The following VMAC variants were observed in gnomAD, a reference collection of about 807,000 sequenced individuals.
VMAC encodes the protein vimentin type intermediate filament associated coiled-coil protein.
In VMAC, 8 loss-of-function variants were observed where a neutral mutation model predicts 4.8. The observed-to-expected ratio is 1.68, with a 90% CI of 0.99 to 3.03. VMAC has a LOEUF of 3.03. Ranked by LOEUF, VMAC falls within the 30% of genes most tolerant of loss-of-function variation. VMAC has a pLI of 0.00. For missense variants in VMAC, 248 were observed against 245.1 expected (o/e 1.01, Z -0.08); for synonymous variants, 96 against 113.7 (o/e 0.84, Z 0.99).
At position 5,908,624 on chromosome 19, in the gene VMAC, ATAATAAT is replaced by A. The variant is rs1367578085; in HGVS notation, c.192-199_192-193del. ...GAGCTAGACTTCGTCTCAAAAAAAA[ATAATAAT>A]AAAATAAAATATAATAATAATAATA... On this transcript the variant is annotated intron_variant, in intron 1 of 1. Transcript: ENST00000339485. This position sits in a 1 kb window ranked among gnomAD's most constrained non-coding sequence, Gnocchi z 4.5. Among the ~76,000 whole-genome samples the A allele has an allele frequency of 6.2e-5, 8 of 129,868 alleles. No homozygotes were observed. The highest frequency in any genetic ancestry group is 2.7e-4 in the South Asian group (1 of 3,714). 85.2% of individuals were successfully genotyped at this position (129,868 alleles called of 152,430 possible).
Position 5,905,039 on chromosome 19 carries a change from A to G in VMAC, c.149A>G (p.Gln50Arg), listed in dbSNP as rs888109145. 7.2e-7 allele frequency: 1 copy of G among 1,382,548 alleles called. No individual in the cohort carries two copies. The highest frequency in any genetic ancestry group is 9.3e-7 in the Non-Finnish European group (1 of 1,076,978). 85.6% of individuals were successfully genotyped at this position (1,382,548 alleles called of 1,614,324 possible). A position where few individuals can be genotyped will look rare whatever the true frequency, so the allele number is the denominator to read the frequency against. ...QAERLALHDQQLRAALDELGR... is the reference protein window; with the variant it reads ...QAERLALHDQRLRAALDELGR... ...GAGCGCCTGGCCCTCCACGACCAGC[A>G]GCTGCGCGCCGCCCTAGACGAACTG... The change falls in exon 1 of 2, where the codon CAG becomes CGG. Residue 50 changes from glutamine (Q) to arginine (R), a missense_variant. Physicochemically the swap from Gln to Arg is conservative, Grantham distance 43 (BLOSUM62 1). Transcript: ENST00000339485.
In VMAC at chr19:5,910,169, G is replaced by C. The variant is rs546968154; in HGVS notation, c.*1027G>C. The C allele has an allele frequency of 2.0e-5, 3 of 152,284 alleles. No homozygotes were observed. Among genetic ancestry groups the C allele is most frequent in the African/African-American group, 4.8e-5 (2 of 41,464 alleles). 9.4% of individuals were successfully genotyped at this position (152,284 alleles called of 1,614,324 possible). A position where few individuals can be genotyped will look rare whatever the true frequency, so the allele number is the denominator to read the frequency against. ...TTTTCTCCTCTGGATGAACAAGGAG[G>C]GGGGTTGTTTGTACAAAGGAAAGGC... On this transcript the variant is annotated 3_prime_UTR_variant, in exon 2 of 2. Transcript: ENST00000339485.
chr19:5,907,638 T>TAAAAAAAAAAAAAAAAAAAA (rs2057683620), intron 1 of VMAC, among the ~76,000 whole-genome samples: 1 of 31,144 alleles, frequency 3.2e-5, no homozygotes. Flanking sequence ...AAAAAAAAAT[T>TAAAAAAAAAAAAAAAAAAAA]AGCTGGGCAT....
chr19:5,905,043 G>T lies in VMAC; in HGVS notation c.153G>T (p.Leu51=). ...AERLALHDQQ[L]RAALDELGRA... is the part of the protein sequence containing the mutation. ...GCCTGGCCCTCCACGACCAGCAGCT[G>T]CGCGCCGCCCTAGACGAACTGGGTC... Residue 51 remains leucine, a synonymous_variant, in exon 1 of 2, where the codon CTG becomes CTT. Transcript: ENST00000339485. 7.2e-7 allele frequency: 1 copy of T among 1,380,384 alleles called. No individual in the cohort carries two copies. 85.5% of individuals were successfully genotyped at this position (1,380,384 alleles called of 1,614,324 possible). A position where few individuals can be genotyped will look rare whatever the true frequency, so the allele number is the denominator to read the frequency against.
In VMAC at chr19:5,904,978, C is replaced by T; in HGVS notation, c.88C>T (p.Leu30=). The T allele has an allele frequency of 6.8e-7, 1 of 1,467,676 alleles. No individual in the cohort carries two copies. Among genetic ancestry groups the T allele is most frequent in the Admixed American group, 2.6e-5 (1 of 39,034 alleles). The allele number at this position is 1,467,676 out of a possible 1,614,324, so 90.9% of individuals were successfully genotyped here. The part of the protein sequence containing the change: ...HRRAAELEAR[L]DAAERTVHAQ... ...GCGCGCAGCGGAGCTGGAGGCGCGG[C>T]TGGACGCGGCGGAGCGCACGGTGCA... is the stretch of plus-strand genomic sequence containing the variant. Residue 30 remains leucine, a synonymous_variant, in exon 1 of 2, where the codon CTG becomes TTG. Coordinates refer to ENST00000339485, the MANE Select transcript of VMAC (RefSeq NM_001017921.4).
intron 1 of VMAC, among the ~76,000 whole-genome samples, chr19:5,906,135 T>A (rs78410842): frequency 4.0e-5 from 6 of 149,806 alleles, no homozygotes; most frequent in Admixed American, 6.7e-5. Flanking sequence ...CTGGCTGATT[T>A]AAAAAAAAAA....
chr19:5,907,670 C>CAGCT (rs2057683793), intron 1 of VMAC, among the ~76,000 whole-genome samples: 1 of 146,532 alleles, frequency 6.8e-6, no homozygotes, highest in Admixed American at 7.1e-5. Context: ...CCTGCAGTCC[C>CAGCT]AGCTACTGGG....
Position 5,904,884 on chromosome 19 carries a change from C to T in VMAC, c.-7C>T. The T allele has an allele frequency of 1.4e-6, 2 of 1,471,646 alleles. No homozygotes were observed. The highest frequency in any genetic ancestry group is 8.9e-7 in the Non-Finnish European group (1 of 1,121,350). The allele number at this position is 1,471,646 out of a possible 1,614,324, so 91.2% of individuals were successfully genotyped here. Reference sequence around the variant, plus strand: ...GGCGTGGCCGGGCCTGTACAGCAGCCTGGGCCATGTCGGCGCCGCCGGCCC... The same window carrying T: ...GGCGTGGCCGGGCCTGTACAGCAGCTTGGGCCATGTCGGCGCCGCCGGCCC... On this transcript the variant is annotated 5_prime_UTR_variant, in exon 1 of 2. Coordinates refer to ENST00000339485, the MANE Select transcript of VMAC (RefSeq NM_001017921.4).
Position 5,904,885 on chromosome 19 carries a change from T to G in VMAC, c.-6T>G. The G allele has an allele frequency of 6.8e-7, 1 of 1,472,270 alleles. No homozygotes were observed. Among genetic ancestry groups the G allele is most frequent in the South Asian group, 1.3e-5 (1 of 76,574 alleles). The allele number at this position is 1,472,270 out of a possible 1,614,324, so 91.2% of individuals were successfully genotyped here. A position where few individuals can be genotyped will look rare whatever the true frequency, so the allele number is the denominator to read the frequency against. The stretch of plus-strand genomic sequence containing the variant: ...GCGTGGCCGGGCCTGTACAGCAGCC[T>G]GGGCCATGTCGGCGCCGCCGGCCCT... On this transcript the variant is annotated 5_prime_UTR_variant, in exon 1 of 2. Coordinates refer to ENST00000339485, the MANE Select transcript of VMAC (RefSeq NM_001017921.4).
intron 1 of VMAC, 49 bp downstream of exon 1, chr19:5,905,130 G>A (rs10406399): frequency 0.67 from 895,631 of 1,335,346 alleles, 301,430 homozygotes; most frequent in Admixed American, 0.78. Flanking sequence ...GGTAGGCGGA[G>A]GCAGAGCCGA....
rs1428728195 is a variant in VMAC, at chr19:5,904,922, AG to A, written c.34del (p.Ala12GlnfsTer44). 1 of 1,490,596 alleles carries A rather than the reference AG, an allele frequency of 6.7e-7. No homozygotes were observed. The highest frequency in any genetic ancestry group is 8.8e-7 in the Non-Finnish European group (1 of 1,130,832). The allele number at this position is 1,490,596 out of a possible 1,614,324, so 92.3% of individuals were successfully genotyped here. On this transcript the variant is annotated frameshift_variant, in exon 1 of 2. Transcript: ENST00000339485. LOFTEE classifies it high-confidence loss of function. ...GCGCCGCCGGCCCTGCAGATCCGGG[AG>A]GCAAACGCACACCTGGCAGCCGTGC... MSAPPALQIR[E>X]ANAHLAAVHR...
chr19:5,909,255 C>A lies in VMAC; in HGVS notation c.*113C>A. ...CGGCAGAGCCAAAGTCCTGTCTAAG[C>A]ATCAGAACAGGCTGAACAGTCAAAA... On this transcript the variant is annotated 3_prime_UTR_variant, in exon 2 of 2. Coordinates refer to ENST00000339485, the MANE Select transcript of VMAC (RefSeq NM_001017921.4). 3 of 1,238,904 alleles carry A rather than the reference C, an allele frequency of 2.4e-6. No homozygotes were observed. The highest frequency in any genetic ancestry group is 3.3e-6 in the Non-Finnish European group (3 of 909,584). The allele number at this position is 1,238,904 out of a possible 1,614,324, so 76.7% of individuals were successfully genotyped here. A position where few individuals can be genotyped will look rare whatever the true frequency, so the allele number is the denominator to read the frequency against.
Position 5,910,168 on chromosome 19 carries a change from G to C in VMAC, c.*1026G>C, listed in dbSNP as rs761806380. On this transcript the variant is annotated 3_prime_UTR_variant, in exon 2 of 2. Transcript: ENST00000339485. ...ATTTTCTCCTCTGGATGAACAAGGA[G>C]GGGGGTTGTTTGTACAAAGGAAAGG... is the stretch of plus-strand genomic sequence containing the variant. 7 of 152,308 alleles carry C rather than the reference G, an allele frequency of 4.6e-5. No homozygotes were observed. Among genetic ancestry groups the C allele is most frequent in the Non-Finnish European group, 8.8e-5 (6 of 68,100 alleles). The allele number at this position is 152,308 out of a possible 1,614,324, so 9.4% of individuals were successfully genotyped here. A position where few individuals can be genotyped will look rare whatever the true frequency, so the allele number is the denominator to read the frequency against.
Position 5,904,955 on chromosome 19 carries a change from G to A in VMAC, c.65G>A (p.Arg22His), listed in dbSNP as rs1182125672. 1.4e-6 allele frequency: 2 copies of A among 1,479,248 alleles called. No individual in the cohort carries two copies. Among genetic ancestry groups the A allele is most frequent in the Non-Finnish European group, 1.8e-6 (2 of 1,125,146 alleles). The allele number at this position is 1,479,248 out of a possible 1,614,324, so 91.6% of individuals were successfully genotyped here. ...GCACACCTGGCAGCCGTGCACCGGC[G>A]CGCAGCGGAGCTGGAGGCGCGGCTG... ...ANAHLAAVHR[R>H]AAELEARLDA... Residue 22 changes from arginine to histidine, a missense_variant, in exon 1 of 2, where the codon CGC becomes CAC. By Grantham distance (29) the Arg-to-His change is conservative. Coordinates refer to ENST00000339485, the MANE Select transcript of VMAC (RefSeq NM_001017921.4).
chr19:5,906,279 T>C (rs975236674), intron 1 of VMAC, among the ~76,000 whole-genome samples: 4 of 152,158 alleles, frequency 2.6e-5, no homozygotes, highest in South Asian at 2.1e-4. Context: ...CATATCAGCA[T>C]TGTTGAAGAG....
chr19:5,910,704 AC>A lies in VMAC; in HGVS notation c.*1563del, dbSNP rs2057694837. The A allele has an allele frequency of 5.3e-5, 8 of 150,732 alleles. No individual in the cohort carries two copies. The highest frequency in any genetic ancestry group is 1.5e-5 in the Non-Finnish European group (1 of 67,668). The allele number at this position is 150,732 out of a possible 1,614,324, so 9.3% of individuals were successfully genotyped here. A position where few individuals can be genotyped will look rare whatever the true frequency, so the allele number is the denominator to read the frequency against. On this transcript the variant is annotated 3_prime_UTR_variant, in exon 2 of 2. Coordinates refer to ENST00000339485, the MANE Select transcript of VMAC (RefSeq NM_001017921.4). ...AACAACAACAACAACAACAACAACA[AC>A]AACAACAAACAGAGGCCCAGAGGTG...
In VMAC at chr19:5,909,120, C is replaced by G; in HGVS notation, c.488C>G (p.Ala163Gly). 1 of 1,547,704 alleles carries G rather than the reference C, an allele frequency of 6.5e-7. No homozygotes were observed. Reference protein sequence around the residue: ...EEADRDHLQPAVFGTTV With the variant: ...EEADRDHLQPGVFGTTV ...GCGGACAGGGACCACCTCCAGCCTGCAGTGTTTGGGACCACAGTGTGAGCC... is the reference window on the plus strand; with the variant it reads ...GCGGACAGGGACCACCTCCAGCCTGGAGTGTTTGGGACCACAGTGTGAGCC... The change falls in exon 2 of 2, where the codon GCA (alanine) becomes GGA (glycine). Residue 163 changes from alanine to glycine, a missense_variant. Transcript: ENST00000339485.
chr19:5,906,465 C>T (rs2057679387), intron 1 of VMAC, among the ~76,000 whole-genome samples: 1 of 152,240 alleles, frequency 6.6e-6, no homozygotes, highest in African/African-American at 2.4e-5. Flanking sequence ...TACTGTGTGT[C>T]AGGCATTCTG....
intron 1 of VMAC, among the ~76,000 whole-genome samples, chr19:5,907,515 A>G (rs1483523579): frequency 1.3e-5 from 2 of 150,080 alleles, no homozygotes; most frequent in East Asian, 2.0e-4. Flanking sequence ...GCTCACGCCT[A>G]TACTCTCAGC....
Sources: allele counts gnomAD v4.1 joint callset (sites outside exome capture counted in the v4.1 genomes callset), GRCh38; gene constraint gnomAD v4.1.1; non-coding constraint Gnocchi (gnomAD v3.1); transcripts MANE v1.5; gene names NCBI Gene and HGNC (gene_info 2026-07-23, HGNC 2026-07-21).